Variants in NKPD1 observed in about 807,000 individuals in gnomAD.
NKPD1 encodes NTPase KAP family P-loop domain-containing protein 1.
A neutral mutation model predicts 42.2 loss-of-function variants in NKPD1; 37 were observed. The observed-to-expected ratio is 0.88, with a 90% CI of 0.67 to 1.15. The LOEUF is 1.15. Among genes scored for constraint, NKPD1 ranks in the 50% most tolerant of loss-of-function variants. NKPD1 has a pLI of 0.00. For synonymous variants in NKPD1, 552 were observed against 536.5 expected, an observed-to-expected ratio of 1.03 and a Z score of -0.40; for missense variants, 1,113 against 1,174.6, an observed-to-expected ratio of 0.95 and a Z score of 0.77.
Position 45,153,018 on chromosome 19 carries a change from G to A in NKPD1, c.1419C>T (p.Leu473=), listed in dbSNP as rs1263216747. ...TCYPERVVGV[L]NAINTLLSDS... ...CGGACAGCAGCGTGTTGATGGCGTT[G>A]AGCACGCCCACCACGCGCTCCGGGT... The change falls in exon 5 of 5, where the codon CTC becomes CTT. Residue 473 remains leucine (L), a synonymous_variant. Coordinates refer to ENST00000686631, the MANE Select transcript of NKPD1 (RefSeq NM_198478.4). 6.3e-7 allele frequency: 1 copy of A among 1,585,968 alleles called. No homozygotes were observed.
chr19:45,152,883 G>A lies in NKPD1; in HGVS notation c.1554C>T (p.Phe518=), dbSNP rs1968819289. 1.9e-6 allele frequency: 3 copies of A among 1,586,186 alleles called. No individual in the cohort carries two copies. In the African/African-American group the frequency reaches 4.0e-5, roughly 21 times the overall value. The change falls in exon 5 of 5, where the codon TTC becomes TTT. Residue 518 remains phenylalanine (F), a synonymous_variant. Transcript: ENST00000686631. ...AGGGCAGCGTGACAGTGCGGTTGAG[G>A]AAGAGGTAGCCGTTATCGGCCGTGC... ...MKGTADNGYL[F]LNRTVTLPFS...
In NKPD1 at chr19:45,152,506, T is replaced by TC; in HGVS notation, c.1930dup (p.Asp644GlyfsTer211). The TC allele has an allele frequency of 6.4e-7, 1 of 1,563,962 alleles. No individual in the cohort carries two copies. ...CTGGCGCGGCGTGGGGCCCCCAAAG[T>TC]CCCCCTGCTGCTGCTGCTGCTGCAG... On this transcript the variant is annotated frameshift_variant, in exon 5 of 5. Transcript: ENST00000686631. LOFTEE classifies it low-confidence loss of function (END_TRUNC).
In NKPD1 at chr19:45,158,645, G is replaced by C. The variant is rs773789868; in HGVS notation, c.529+18C>G. The C allele has an allele frequency of 8.6e-7, 1 of 1,157,544 alleles. No homozygotes were observed. The highest frequency in any genetic ancestry group is 4.2e-5 in the Admixed American group (1 of 23,602). 71.7% of individuals were successfully genotyped at this position (1,157,544 alleles called of 1,614,324 possible). ...GCAGGAGTGGGGACAGGGCCCCCAA[G>C]AAGGCCAGGGTGAGCACCGGAGCTG... On this transcript the variant is annotated intron_variant, in intron 3 of 4. Coordinates refer to ENST00000686631, the MANE Select transcript of NKPD1 (RefSeq NM_198478.4). The surrounding 1 kb of genome is among the most constrained non-coding windows in gnomAD (Gnocchi z 4.6).
At position 45,153,532 on chromosome 19, in the gene NKPD1, T is replaced by C; in HGVS notation, c.905A>G (p.Glu302Gly). The change falls in exon 5 of 5, where the codon GAG (glutamate) becomes GGG (glycine). Residue 302 changes from glutamate to glycine, a missense_variant. Coordinates refer to ENST00000686631, the MANE Select transcript of NKPD1 (RefSeq NM_198478.4). ...TGCGCCATAGTGGCGGCGGATGCCC[T>C]CGCACAACGTGGTCACCAGGCCGGC... ...LWAGLVTTLC[E>G]GIRRHYGALP... 6.5e-7 allele frequency: 1 copy of C among 1,549,828 alleles called. No individual in the cohort carries two copies. The highest frequency in any genetic ancestry group is 8.7e-7 in the Non-Finnish European group (1 of 1,146,220).
chr19:45,154,620 A>G (rs1258653795), intron 4 of NKPD1, among the ~76,000 whole-genome samples: 2 of 152,122 alleles, frequency 1.3e-5, no homozygotes, highest in Non-Finnish European at 2.9e-5. Context: ...AGGAAAGGCT[A>G]TTGGGCCTGC....
chr19:45,161,918 T>C (rs1212818847), upstream of NKPD1, among the ~76,000 whole-genome samples: 4 of 152,126 alleles, frequency 2.6e-5, no homozygotes, highest in Admixed American at 2.0e-4. Context: ...CACCCAGCCC[T>C]GAGTTCTGCC....
At position 45,160,961 on chromosome 19, in the gene NKPD1, C is replaced by A. The variant is rs552448465; in HGVS notation, c.-108G>T. Among the ~76,000 whole-genome samples the A allele has an allele frequency of 1.3e-5, 2 of 152,120 alleles. No individual in the cohort carries two copies. The highest frequency in any genetic ancestry group is 2.4e-5 in the African/African-American group (1 of 41,432). On this transcript the variant is annotated 5_prime_UTR_variant, in exon 1 of 5. Coordinates refer to ENST00000686631, the MANE Select transcript of NKPD1 (RefSeq NM_198478.4). ...CTCACGGCCCCAGCTGCCTGCCCCA[C>A]GAGCAGCTGCCACACCAGCCCGGAC...
intron 4 of NKPD1, among the ~76,000 whole-genome samples, chr19:45,154,657 AC>A (rs1333917527): frequency 6.6e-6 from 1 of 152,170 alleles, no homozygotes; most frequent in Non-Finnish European, 1.5e-5. Context: ...CGTAGGAGGA[AC>A]GTCAGTCCCA....
In NKPD1 at chr19:45,150,856, G is replaced by C. The variant is rs892108655; in HGVS notation, c.*1082C>G. On this transcript the variant is annotated 3_prime_UTR_variant, in exon 5 of 5. Transcript: ENST00000686631. Reference sequence around the variant, plus strand: ...CCTTTGCAGAGCTCTCAGGTTCCTCGGGGGCTGTCCCCTCCACCAGCCTCA... The same window carrying C: ...CCTTTGCAGAGCTCTCAGGTTCCTCCGGGGCTGTCCCCTCCACCAGCCTCA... The C allele has an allele frequency of 2.6e-5, 4 of 152,324 alleles. No homozygotes were observed. Among genetic ancestry groups the C allele is most frequent in the African/African-American group, 7.2e-5 (3 of 41,452 alleles). The allele number at this position is 152,324 out of a possible 1,614,324, so 9.4% of individuals were successfully genotyped here.
rs1968808051 is a variant in NKPD1 at position 45,152,545 on chromosome 19, A to ATGGGCACGGTGT, written c.1880_1891dup (p.Asn627_Pro630dup). 6.3e-7 allele frequency: 1 copy of ATGGGCACGGTGT among 1,583,962 alleles called. No homozygotes were observed. Among genetic ancestry groups the ATGGGCACGGTGT allele is most frequent in the Non-Finnish European group, 8.5e-7 (1 of 1,174,028 alleles). On this transcript the variant is annotated inframe_insertion, in exon 5 of 5. Transcript: ENST00000686631. Reference sequence around the variant, plus strand: ...CTGCTGCTGCAGCAGGCGCACGGTGATGGGCACGGTGTTGACGATGCGCCG... The same window carrying ATGGGCACGGTGT: ...CTGCTGCTGCAGCAGGCGCACGGTGATGGGCACGGTGTTGGGCACGGTGTTGACGATGCGCCG...
At chr19:45,155,094 C>A (rs1968877350) in intron 4 of NKPD1, among the ~76,000 whole-genome samples, 1 of 149,534 alleles carries the variant, frequency 6.7e-6, no homozygotes, top group South Asian at 2.1e-4. Flanking sequence ...GAGGCTGAGG[C>A]GGATCACATG....
chr19:45,158,974 C>G lies in NKPD1; in HGVS notation c.218G>C (p.Arg73Pro). ...SHQVGGSGWRRGLLPSVLQQQ... is the reference protein window; with the variant it reads ...SHQVGGSGWRPGLLPSVLQQQ... ...CTGCAGGACGGAGGGCAGGAGGCCC[C>G]GGCGCCAGCCACTGCCACCCACTTG... The change falls in exon 3 of 5, where the codon CGG (arginine) becomes CCG (proline). Residue 73 changes from arginine (R) to proline (P), a missense_variant. Arg to Pro is a moderately radical substitution (Grantham distance 103). Coordinates refer to ENST00000686631, the MANE Select transcript of NKPD1 (RefSeq NM_198478.4). The surrounding 1 kb of genome is among the most constrained non-coding windows in gnomAD (Gnocchi z 4.6). 2 of 1,299,958 alleles carry G rather than the reference C, an allele frequency of 1.5e-6. No homozygotes were observed. Among genetic ancestry groups the G allele is most frequent in the Non-Finnish European group, 1.0e-6 (1 of 987,930 alleles). The allele number at this position is 1,299,958 out of a possible 1,614,324, so 80.5% of individuals were successfully genotyped here. A position where few individuals can be genotyped will look rare whatever the true frequency, so the allele number is the denominator to read the frequency against.
chr19:45,151,858 CG>C lies in NKPD1; in HGVS notation c.*79del. ...CAGGGCTCATTCGGACCCTGGGTTG[CG>C]GCCCCAGTCCAGCCCCCTATTCTCC... On this transcript the variant is annotated 3_prime_UTR_variant, in exon 5 of 5. Coordinates refer to ENST00000686631, the MANE Select transcript of NKPD1 (RefSeq NM_198478.4). 7.2e-7 allele frequency: 1 copy of C among 1,388,708 alleles called. No individual in the cohort carries two copies. Among genetic ancestry groups the C allele is most frequent in the African/African-American group, 1.5e-5 (1 of 66,598 alleles). The allele number at this position is 1,388,708 out of a possible 1,614,324, so 86.0% of individuals were successfully genotyped here. A position where few individuals can be genotyped will look rare whatever the true frequency, so the allele number is the denominator to read the frequency against.
Position 45,158,874 on chromosome 19 carries a change from G to T in NKPD1, c.318C>A (p.Ala106=). Residue 106 remains alanine (A), a synonymous_variant, in exon 3 of 5, where the codon GCC becomes GCA. Transcript: ENST00000686631. The surrounding 1 kb of genome is among the most constrained non-coding windows in gnomAD (Gnocchi z 4.6). ...TGGAGGTTGCAGGCAGCCCCTTCTG[G>T]GCTTCGTGAATGGGGCAGAGCCGCT... ...LRQRLCPIHE[A]QKGLPATSTV... The T allele has an allele frequency of 3.1e-6, 4 of 1,285,324 alleles. No homozygotes were observed. The highest frequency in any genetic ancestry group is 4.1e-6 in the Non-Finnish European group (4 of 979,466). 79.6% of individuals were successfully genotyped at this position (1,285,324 alleles called of 1,614,324 possible).
In NKPD1 at chr19:45,153,718, C is replaced by A. The variant is rs935536216; in HGVS notation, c.719G>T (p.Trp240Leu). 6 of 1,530,056 alleles carry A rather than the reference C, an allele frequency of 3.9e-6. No homozygotes were observed. Among genetic ancestry groups the A allele is most frequent in the Non-Finnish European group, 5.3e-6 (6 of 1,132,848 alleles). 94.8% of individuals were successfully genotyped at this position (1,530,056 alleles called of 1,614,324 possible). A position where few individuals can be genotyped will look rare whatever the true frequency, so the allele number is the denominator to read the frequency against. The change falls in exon 5 of 5, where the codon TGG becomes TTG. Residue 240 changes from tryptophan to leucine, a missense_variant. Physicochemically the swap from Trp to Leu is moderately conservative, Grantham distance 61 (BLOSUM62 -2). Around this residue, in one of 3 missense-constraint regions of NKPD1, gnomAD observed 867 missense variants for 870.1 expected, o/e 1.00. Transcript: ENST00000686631. ...RESEELQHVQ[W>L]RPRAVSGWGV... is the part of the protein sequence containing the mutation. ...CCAGCCGCTCACGGCACGCGGCCGC[C>A]ACTGCACGTGCTGCAGCTCCTCGCT...
chr19:45,152,566 C>A lies in NKPD1; in HGVS notation c.1871G>T (p.Arg624Leu). 4 of 1,585,708 alleles carry A rather than the reference C, an allele frequency of 2.5e-6. No individual in the cohort carries two copies. The highest frequency in any genetic ancestry group is 3.4e-6 in the Non-Finnish European group (4 of 1,175,006). The change falls in exon 5 of 5, where the codon CGC becomes CTC. Residue 624 changes from arginine (R) to leucine (L), a missense_variant. Physicochemically the swap from Arg to Leu is moderately radical, Grantham distance 102. Transcript: ENST00000686631. Reference sequence around the variant, plus strand: ...GGTGATGGGCACGGTGTTGACGATGCGCCGCATGGACACCACGTTGTCGGG... The same window carrying A: ...GGTGATGGGCACGGTGTTGACGATGAGCCGCATGGACACCACGTTGTCGGG... ...YVPDNVVSMR[R>L]IVNTVPITVR...
rs1031869083 is a variant in NKPD1, at chr19:45,158,664, G to A, written c.528C>T (p.Ser176=). The change falls in exon 3 of 5, where the codon TCC becomes TCT. Residue 176 remains serine (S), a splice_region_variant and synonymous_variant. Coordinates refer to ENST00000686631, the MANE Select transcript of NKPD1 (RefSeq NM_198478.4). The surrounding 1 kb of genome is among the most constrained non-coding windows in gnomAD (Gnocchi z 4.6). ...AACGSFTAYS[S]DILTEDDVYC... Reference sequence around the variant, plus strand: ...CCCCAAGAAGGCCAGGGTGAGCACCGGAGCTGTAGGCAGTGAAGGAGCCAC... The same window carrying A: ...CCCCAAGAAGGCCAGGGTGAGCACCAGAGCTGTAGGCAGTGAAGGAGCCAC... The A allele has an allele frequency of 8.3e-5, 97 of 1,166,786 alleles. No individual in the cohort carries two copies. Among genetic ancestry groups the A allele is most frequent in the South Asian group, 9.8e-5 (6 of 61,406 alleles). The allele number at this position is 1,166,786 out of a possible 1,614,324, so 72.3% of individuals were successfully genotyped here.
At chr19:45,155,709 G>A (rs1411377374) in intron 4 of NKPD1, 76 bp downstream of exon 4, 2 of 1,240,966 alleles carry the variant, frequency 1.6e-6, no homozygotes, top group Non-Finnish European at 2.1e-6. Context: ...GGGGATCTGG[G>A]GGAAGCCTGG....
intron 4 of NKPD1, among the ~76,000 whole-genome samples, chr19:45,155,134 C>T (rs568497691): frequency 6.7e-6 from 1 of 149,990 alleles, no homozygotes; most frequent in East Asian, 2.0e-4. Context: ...ATCTGGCCAA[C>T]ATGGTAAAAC....
Sources: gnomAD v4.1 joint callset for allele counts (sites outside exome capture counted in the v4.1 genomes callset) on GRCh38, gnomAD v4.1.1 for gene constraint, gnomAD v4.1.1 regional missense constraint, Gnocchi (gnomAD v3.1) non-coding constraint, MANE v1.5 for transcripts, NCBI Gene and HGNC (gene_info 2026-07-23, HGNC 2026-07-21) for gene names.